Variants in OSTN observed in about 807,000 individuals in gnomAD.
OSTN encodes the protein osteocrin.
A neutral mutation model predicts 12.0 loss-of-function variants in OSTN; 9 were observed. The ratio of observed to expected loss-of-function variants is 0.75; its 90% CI spans 0.45 to 1.30. The LOEUF is 1.30. OSTN is among the 50% of genes most tolerant of loss of function. The pLI is 0.00. For missense variants in OSTN, 148 were observed against 152.3 expected (o/e 0.97, Z 0.15); for synonymous variants, 59 against 56.9 (o/e 1.04, Z -0.16).
At chr3:191,219,600 T>C (rs1393375046) in intron 3 of OSTN, among the ~76,000 whole-genome samples, 1 of 152,218 alleles carries the variant, frequency 6.6e-6, no homozygotes, top group African/African-American at 2.4e-5. Context: ...GAAATATCCC[T>C]TTATGTCAGT....
Position 191,202,212 on chromosome 3 carries a change from G to T in OSTN, c.-1+2905G>T, listed in dbSNP as rs187144349. Among the ~76,000 whole-genome samples, 190 of 152,308 alleles carry T rather than the reference G, an allele frequency of 1.2e-3. 2 individuals carry two copies. The highest frequency in any genetic ancestry group is 1.2e-4 in the Non-Finnish European group (8 of 68,034). ...TTTCTGTATAGGTCTAACATGACTT[G>T]TAAGGATGACAGGAGATTAATTTCA... is the stretch of plus-strand genomic sequence containing the variant. On this transcript the variant is annotated intron_variant, in intron 1 of 4. Coordinates refer to ENST00000682035, the MANE Select transcript of OSTN (RefSeq NM_198184.2).
At chr3:191,222,707 A>G (rs1340466570) in intron 3 of OSTN, among the ~76,000 whole-genome samples, 1 of 152,070 alleles carries the variant, frequency 6.6e-6, no homozygotes, top group Non-Finnish European at 1.5e-5. Flanking sequence ...GGATGGAATT[A>G]TATGGTTTGT....
chr3:191,228,621 C>A (rs372596249), intron 3 of OSTN: 9 of 152,276 alleles, frequency 5.9e-5, no homozygotes, highest in East Asian at 5.8e-4. Context: ...TGCATTAAAT[C>A]TGTTTAAATC....
At chr3:191,233,919 G>A (rs911467803) in intron 3 of OSTN, among the ~76,000 whole-genome samples, 1 of 151,878 alleles carries the variant, frequency 6.6e-6, no homozygotes, top group Admixed American at 6.6e-5. Flanking sequence ...TTGAGCCCAG[G>A]AGGCGGAGGT....
chr3:191,216,328 G>A (rs1714611225), intron 2 of OSTN, among the ~76,000 whole-genome samples: 2 of 152,158 alleles, frequency 1.3e-5, no homozygotes, highest in African/African-American at 4.8e-5. Context: ...TGATGGGAGG[G>A]GCTGCCATGA....
At chr3:191,199,829 T>C (rs1714113853) in intron 1 of OSTN, among the ~76,000 whole-genome samples, 1 of 152,170 alleles carries the variant, frequency 6.6e-6, no homozygotes, top group Non-Finnish European at 1.5e-5. Context: ...ATGATATTAA[T>C]AACATAGTTG....
At position 191,225,209 on chromosome 3, in the gene OSTN, G is replaced by A. The variant is rs138018679; in HGVS notation, c.317+6248G>A. 4.3e-3 allele frequency among the ~76,000 whole-genome samples: 650 copies of A among 152,112 alleles called. 5 individuals carry two copies. The highest frequency in any genetic ancestry group is 0.015 in the African/African-American group (613 of 41,524). On this transcript the variant is annotated intron_variant, in intron 3 of 4. Coordinates refer to ENST00000682035, the MANE Select transcript of OSTN (RefSeq NM_198184.2). ...GCTCAATTCTCTATAAACAAATTCA[G>A]TACCTTTAAAAATGAATAAATTGTT...
intron 3 of OSTN, among the ~76,000 whole-genome samples, chr3:191,229,345 G>A (rs753621894): frequency 5.9e-5 from 9 of 152,140 alleles, no homozygotes; most frequent in Non-Finnish European, 1.2e-4. Flanking sequence ...ATTTGATGAT[G>A]TTAAGTAACT....
intron 1 of OSTN, among the ~76,000 whole-genome samples, chr3:191,206,715 G>A (rs758816374): frequency 3.9e-5 from 6 of 152,158 alleles, no homozygotes; most frequent in Non-Finnish European, 7.3e-5. Flanking sequence ...TCACTAAATA[G>A]CAACAGAGGC....
intron 3 of OSTN, among the ~76,000 whole-genome samples, chr3:191,241,395 A>T (rs1488183244): frequency 1.3e-5 from 2 of 151,896 alleles, no homozygotes; most frequent in Admixed American, 6.6e-5. Context: ...TATGTTAGCC[A>T]GGATGGTCTC....
At chr3:191,211,491 G>A (rs1354178717) in intron 1 of OSTN, among the ~76,000 whole-genome samples, 1 of 152,116 alleles carries the variant, frequency 6.6e-6, no homozygotes, top group Non-Finnish European at 1.5e-5. Flanking sequence ...TATAAACATT[G>A]ACAGTTTCTC....
intron 1 of OSTN, among the ~76,000 whole-genome samples, chr3:191,209,718 C>T (rs1714369796): frequency 6.6e-6 from 1 of 152,206 alleles, no homozygotes. Context: ...CATTTGTTCA[C>T]ATACCAGCAT....
rs374749586 is a variant in OSTN at position 191,212,351 on chromosome 3, C to T, written c.1-182C>T. Among the ~76,000 whole-genome samples, 12 of 152,176 alleles carry T rather than the reference C, an allele frequency of 7.9e-5. No individual in the cohort carries two copies. In the East Asian group the frequency reaches 1.5e-3, roughly 19 times the overall value. On this transcript the variant is annotated intron_variant, in intron 1 of 4. Coordinates refer to ENST00000682035, the MANE Select transcript of OSTN (RefSeq NM_198184.2). ...ATGGAAAAGAAACCTTGACAGAATT[C>T]GTTCTGGGAGATGGACAGCTTCTAT...
intron 2 of OSTN, 65 bp downstream of exon 2, chr3:191,212,699 G>A (rs1415763213): frequency 3.7e-5 from 20 of 536,804 alleles, no homozygotes; most frequent in Non-Finnish European, 5.0e-5. Flanking sequence ...TGACATGTTT[G>A]TATATAAAAG....
intron 3 of OSTN, among the ~76,000 whole-genome samples, chr3:191,249,615 T>C (rs567595507): frequency 1.3e-5 from 2 of 152,322 alleles, no homozygotes; most frequent in Non-Finnish European, 2.9e-5. Flanking sequence ...ACCATCATCC[T>C]TCTTTAGATG....
At chr3:191,259,382 T>C (rs1339139217) in intron 4 of OSTN, among the ~76,000 whole-genome samples, 1 of 152,010 alleles carries the variant, frequency 6.6e-6, no homozygotes, top group East Asian at 1.9e-4. Context: ...TTTGTATTTT[T>C]AGTAGAGACA....
intron 1 of OSTN, among the ~76,000 whole-genome samples, chr3:191,212,302 G>A (rs1280441802): frequency 2.0e-5 from 3 of 152,108 alleles, no homozygotes; most frequent in African/African-American, 7.2e-5. Context: ...TATTATAGCT[G>A]TACAACCCTA....
chr3:191,252,152 C>T (rs544477034), intron 4 of OSTN, among the ~76,000 whole-genome samples: 29 of 152,236 alleles, frequency 1.9e-4, no homozygotes, highest in Admixed American at 1.6e-3. Flanking sequence ...CTCTGCCTCC[C>T]GGGTTCAAGC....
chr3:191,232,260 G>A (rs1362104859), intron 3 of OSTN, among the ~76,000 whole-genome samples: 1 of 148,620 alleles, frequency 6.7e-6, no homozygotes, highest in Non-Finnish European at 1.5e-5. Flanking sequence ...GAACACGTGG[G>A]AGGCGGAGGT....
Sources: gnomAD v4.1 joint callset for allele counts (sites outside exome capture counted in the v4.1 genomes callset) on GRCh38, gnomAD v4.1.1 for gene constraint, MANE v1.5 for transcripts, NCBI Gene and HGNC (gene_info 2026-07-23, HGNC 2026-07-21) for gene names.